IGF2BP2: variants seen among roughly 807,000 people sequenced by gnomAD.
IGF2BP2 encodes insulin-like growth factor 2 mRNA-binding protein 2.
In IGF2BP2, 17 loss-of-function variants were observed where a neutral mutation model predicts 75.8. The ratio of observed to expected loss-of-function variants is 0.22; its 90% confidence interval spans 0.15 to 0.34. The LOEUF (loss-of-function observed/expected upper bound fraction) is 0.34. IGF2BP2 is among the 10% of genes least tolerant of loss of function. IGF2BP2 has a pLI of 1.00. For synonymous variants in IGF2BP2, 288 were observed against 295.6 expected (o/e 0.97, Z 0.26); for missense variants, 516 against 772.4 (o/e 0.67, Z 3.93).
At chr3:185,736,791 T>C (rs1330265014) in intron 2 of IGF2BP2, among the ~76,000 whole-genome samples, 1 of 152,210 alleles carries the variant, frequency 6.6e-6, no homozygotes, top group African/African-American at 2.4e-5. Context: ...GTTGGGGACA[T>C]GCCTGAATTT....
chr3:185,800,728 A>G (rs1738120464), intron 2 of IGF2BP2, among the ~76,000 whole-genome samples: 1 of 151,994 alleles, frequency 6.6e-6, no homozygotes, highest in African/African-American at 2.4e-5. Flanking sequence ...AAAAGAAAGA[A>G]AGAAAGAAAG....
At chr3:185,761,965 A>C (rs775478274) in intron 2 of IGF2BP2, among the ~76,000 whole-genome samples, 1 of 152,212 alleles carries the variant, frequency 6.6e-6, no homozygotes, top group Non-Finnish European at 1.5e-5. Context: ...TTCCTTTCCC[A>C]TGTGATAAAC....
chr3:185,818,747 T>C (rs1441951192), intron 2 of IGF2BP2, among the ~76,000 whole-genome samples: 1 of 152,194 alleles, frequency 6.6e-6, no homozygotes, highest in African/African-American at 2.4e-5. Flanking sequence ...AGCTTGAAAG[T>C]ATCAAATATA....
At chr3:185,732,074 C>A (rs1387865850) in intron 2 of IGF2BP2, among the ~76,000 whole-genome samples, 1 of 152,160 alleles carries the variant, frequency 6.6e-6, no homozygotes, top group East Asian at 1.9e-4. Context: ...TCTCTCTGGT[C>A]CATCTGGGAA....
chr3:185,657,677 C>A (rs562480753), intron 11 of IGF2BP2, among the ~76,000 whole-genome samples: 22 of 152,216 alleles, frequency 1.4e-4, no homozygotes, highest in African/African-American at 4.8e-4. Context: ...GCTGTCTGAT[C>A]GCAGGTTTTC....
At chr3:185,655,710 A>G (rs1467419477) in intron 12 of IGF2BP2, among the ~76,000 whole-genome samples, 2 of 152,136 alleles carry the variant, frequency 1.3e-5, no homozygotes, top group African/African-American at 4.8e-5. Flanking sequence ...CATGCGACTG[A>G]TCTCTTCTTT....
intron 2 of IGF2BP2, among the ~76,000 whole-genome samples, chr3:185,786,380 CAAGTA>C (rs914278837): frequency 1.1e-4 from 16 of 152,218 alleles, no homozygotes; most frequent in African/African-American, 3.9e-4. Context: ...TGGCCTGAAG[CAAGTA>C]AAGAATCACA....
chr3:185,789,682 T>A (rs1409363770), intron 2 of IGF2BP2, among the ~76,000 whole-genome samples: 1 of 151,830 alleles, frequency 6.6e-6, no homozygotes, highest in Non-Finnish European at 1.5e-5. Flanking sequence ...AAAACCCCTT[T>A]TGCTTCAGCT....
intron 2 of IGF2BP2, among the ~76,000 whole-genome samples, chr3:185,803,698 T>C (rs1377607307): frequency 6.6e-6 from 1 of 152,214 alleles, no homozygotes; most frequent in South Asian, 2.1e-4. Context: ...GTTCACTGAA[T>C]AGTGAAATAT....
intron 4 of IGF2BP2, chr3:185,693,375 A>G (rs1722200523): frequency 6.6e-6 from 1 of 152,246 alleles, no homozygotes; most frequent in Admixed American, 6.5e-5. Flanking sequence ...TAATTCTTAA[A>G]TAATTGGATA....
intron 12 of IGF2BP2, among the ~76,000 whole-genome samples, chr3:185,656,959 G>A (rs1163072608): frequency 6.6e-6 from 1 of 152,236 alleles, no homozygotes; most frequent in African/African-American, 2.4e-5. Context: ...TACCTGCTAA[G>A]TTATCACTTC....
chr3:185,691,242 G>A (rs1265380629), intron 5 of IGF2BP2, among the ~76,000 whole-genome samples: 1 of 152,096 alleles, frequency 6.6e-6, no homozygotes, highest in African/African-American at 2.4e-5. Context: ...GGGATTACAG[G>A]CATGCGCCAC....
chr3:185,808,725 A>ATT (rs71164545), intron 2 of IGF2BP2, among the ~76,000 whole-genome samples: 3,505 of 141,032 alleles, frequency 0.025, 122 homozygotes, highest in African/African-American at 0.083. Context: ...ACACCTGGCT[A>ATT]TTTTTTTTTT....
At chr3:185,698,415 C>A in intron 2 of IGF2BP2, 68 bp from the exon 3 acceptor site, 1 of 1,415,864 alleles carries the variant, frequency 7.1e-7, no homozygotes, top group Non-Finnish European at 9.9e-7. Flanking sequence ...TAATAAAAAC[C>A]GGCTTAAACC....
In IGF2BP2 at chr3:185,731,820, C is replaced by T. The variant is rs1017234978; in HGVS notation, c.240-33473G>A. Reference sequence around the variant, plus strand: ...GAAACCCCATCTCTACTAAAATACACACAAAAAAATAATTAGCCGGGCGTC... The same window carrying T: ...GAAACCCCATCTCTACTAAAATACATACAAAAAAATAATTAGCCGGGCGTC... On this transcript the variant is annotated intron_variant, in intron 2 of 15. Transcript: ENST00000382199. 5.3e-5 allele frequency among the ~76,000 whole-genome samples: 8 copies of T among 151,802 alleles called. No individual in the cohort carries two copies. The East Asian group carries it at 9.8e-4, about 19-fold the overall frequency.
chr3:185,685,311 T>C (rs1007908690), intron 7 of IGF2BP2, among the ~76,000 whole-genome samples: 1 of 151,578 alleles, frequency 6.6e-6, no homozygotes, highest in Non-Finnish European at 1.5e-5. Context: ...ATCATGCCAT[T>C]GTACTCGACA....
At chr3:185,657,846 A>G (rs1200901177) in intron 11 of IGF2BP2, among the ~76,000 whole-genome samples, 1 of 152,192 alleles carries the variant, frequency 6.6e-6, no homozygotes, top group African/African-American at 2.4e-5. Context: ...CATTTTCACA[A>G]CTAAACTTGA....
At chr3:185,697,476 G>T (rs921562019) in intron 3 of IGF2BP2, among the ~76,000 whole-genome samples, 21 of 152,008 alleles carry the variant, frequency 1.4e-4, no homozygotes, top group Admixed American at 3.9e-4. Flanking sequence ...TTAAGGCACG[G>T]TGTTTTCTTT....
intron 7 of IGF2BP2, among the ~76,000 whole-genome samples, chr3:185,681,104 C>CA (rs747635287): frequency 2.0e-5 from 3 of 151,204 alleles, no homozygotes; most frequent in East Asian, 3.9e-4. Context: ...CAATTAGGTA[C>CA]AAAAAAGAAA....
Sources: allele counts gnomAD v4.1 joint callset (sites outside exome capture counted in the v4.1 genomes callset), GRCh38; gene constraint gnomAD v4.1.1; transcripts MANE v1.5; gene names NCBI Gene and HGNC (gene_info 2026-07-23, HGNC 2026-07-21).